PRLR: variants seen among roughly 807,000 people sequenced by gnomAD.
PRLR encodes hPRL receptor.
Under a neutral mutation model 40.2 loss-of-function variants are expected in PRLR, and 13 were observed. That is an observed-to-expected ratio of 0.32 (90% CI 0.21 to 0.51). The LOEUF (loss-of-function observed/expected upper bound fraction) is 0.51, where lower values mean the gene tolerates loss of function less well. Among genes scored for constraint, PRLR ranks in the 20% least tolerant of loss-of-function variants. The pLI is 0.97. For synonymous variants in PRLR, 269 were observed against 278.7 expected (o/e 0.97, Z 0.35); for missense variants, 656 against 747.3 (o/e 0.88, Z 1.42).
At chr5:35,147,035 G>A (rs1233056692) in intron 1 of PRLR, among the ~76,000 whole-genome samples, 2 of 152,108 alleles carry the variant, frequency 1.3e-5, no homozygotes, top group South Asian at 2.1e-4. Context: ...GAGGAGAGTA[G>A]GATGCTGAAC....
chr5:35,091,558 C>A (rs990024452), intron 2 of PRLR, among the ~76,000 whole-genome samples: 4 of 152,204 alleles, frequency 2.6e-5, no homozygotes, highest in African/African-American at 9.7e-5. Context: ...ACTGAGAGAT[C>A]ATCCTGACTT....
downstream of PRLR, among the ~76,000 whole-genome samples, chr5:35,053,408 T>A (rs139461725): frequency 0.031 from 4,661 of 152,262 alleles, 246 homozygotes; most frequent in African/African-American, 0.11. Context: ...ATCTCAGCAC[T>A]TTGGGAGGCC....
rs556109165 is a variant in PRLR, at chr5:35,208,770, TTAA to T, written c.-106+21495_-106+21497del. Among the ~76,000 whole-genome samples the T allele has an allele frequency of 4.0e-3, 604 of 152,134 alleles. 7 individuals carry two copies. Among genetic ancestry groups the T allele is most frequent in the African/African-American group, 0.014 (577 of 41,522 alleles). The stretch of plus-strand genomic sequence containing the variant: ...AAAATTAAGAATTTTTTTACATCTA[TTAA>T]TGATAAAAAAATTAAGAAAATGTTG... On this transcript the variant is annotated intron_variant, in intron 1 of 9. Transcript: ENST00000618457.
intron 1 of PRLR, among the ~76,000 whole-genome samples, chr5:35,183,276 A>G (rs945851545): frequency 3.3e-5 from 5 of 152,216 alleles, no homozygotes; most frequent in Non-Finnish European, 7.3e-5. Flanking sequence ...ATGACAGTCC[A>G]TTAAAGAACA....
At chr5:35,151,684 G>GGCCA (rs1774346205) in intron 1 of PRLR, among the ~76,000 whole-genome samples, 1 of 152,196 alleles carries the variant, frequency 6.6e-6, no homozygotes, top group Non-Finnish European at 1.5e-5. Context: ...AGGCTCCTGA[G>GGCCA]AGGGTTCATG....
At chr5:35,159,335 A>G (rs1774605277) in intron 1 of PRLR, among the ~76,000 whole-genome samples, 1 of 130,400 alleles carries the variant, frequency 7.7e-6, no homozygotes, top group Admixed American at 7.9e-5. Context: ...AAAAAAAAAA[A>G]AAGGAAATAA....
chr5:35,227,271 G>A (rs1262409488), intron 1 of PRLR, among the ~76,000 whole-genome samples: 1 of 152,180 alleles, frequency 6.6e-6, no homozygotes, highest in East Asian at 1.9e-4. Context: ...TAATCCGGTT[G>A]GCTGATGCAA....
exon 9 of PRLR, chr5:35,049,192 C>T (rs1768388717): frequency 1.4e-6 from 1 of 700,852 alleles, no homozygotes; most frequent in Non-Finnish European, 2.6e-6. Context: ...GGCCAGTGGA[C>T]ACACAGCATC....
At chr5:35,176,328 T>G (rs574469452) in intron 1 of PRLR, among the ~76,000 whole-genome samples, 1 of 152,232 alleles carries the variant, frequency 6.6e-6, no homozygotes. Context: ...CTTTTTTATT[T>G]TAAAAATTCA....
At chr5:35,096,777 C>A (rs569921787) in intron 2 of PRLR, among the ~76,000 whole-genome samples, 14 of 152,178 alleles carry the variant, frequency 9.2e-5, no homozygotes, top group African/African-American at 3.4e-4. Flanking sequence ...TGCACCATCA[C>A]GCCTGGCTAA....
chr5:35,173,088 C>T (rs988824489), intron 1 of PRLR, among the ~76,000 whole-genome samples: 8 of 152,126 alleles, frequency 5.3e-5, no homozygotes, highest in African/African-American at 1.9e-4. Flanking sequence ...TGGCAAAGCA[C>T]ATCTTGTTCC....
At chr5:35,214,980 C>G (rs929406881) in intron 1 of PRLR, among the ~76,000 whole-genome samples, 2 of 152,142 alleles carry the variant, frequency 1.3e-5, no homozygotes, top group Non-Finnish European at 2.9e-5. Context: ...TGCCCAGATG[C>G]CTGTGGTCAC....
Position 35,071,345 on chromosome 5 carries a change from C to T in PRLR, c.544-1080G>A, listed in dbSNP as rs908029373. On this transcript the variant is annotated intron_variant, in intron 6 of 9. Transcript: ENST00000618457. Reference sequence around the variant, plus strand: ...ACGACCAGTTACAATGTGTGGTCTACGAGCAGATTCTGGTTTGGACAAAGT... The same window carrying T: ...ACGACCAGTTACAATGTGTGGTCTATGAGCAGATTCTGGTTTGGACAAAGT... 1.2e-4 allele frequency among the ~76,000 whole-genome samples: 18 copies of T among 152,096 alleles called. 1 individual carries two copies. Among genetic ancestry groups the T allele is most frequent in the South Asian group, 2.1e-4 (1 of 4,824 alleles).
At chr5:35,164,929 G>A (rs1774777847) in intron 1 of PRLR, among the ~76,000 whole-genome samples, 1 of 152,190 alleles carries the variant, frequency 6.6e-6, no homozygotes, top group Non-Finnish European at 1.5e-5. Flanking sequence ...AATCAAAGAT[G>A]ATTCCTAAGT....
intron 2 of PRLR, among the ~76,000 whole-genome samples, chr5:35,104,246 A>G (rs1447024022): frequency 6.6e-6 from 1 of 152,146 alleles, no homozygotes; most frequent in Non-Finnish European, 1.5e-5. Context: ...TAATAAGAGC[A>G]AGGATAGGGG....
At chr5:35,134,520 C>A (rs146970743) in intron 1 of PRLR, among the ~76,000 whole-genome samples, 2 of 152,228 alleles carry the variant, frequency 1.3e-5, no homozygotes, top group Non-Finnish European at 2.9e-5. Context: ...AACAACCACT[C>A]ATCAGTGGAT....
At chr5:35,105,947 A>C (rs1203370474) in intron 2 of PRLR, among the ~76,000 whole-genome samples, 1 of 152,236 alleles carries the variant, frequency 6.6e-6, no homozygotes, top group African/African-American at 2.4e-5. Flanking sequence ...AGTTGAAATG[A>C]AGGAAAAAAT....
rs1273863720 is a variant in PRLR at position 35,087,800 on chromosome 5, G to T, written c.71-1460C>A. Among the ~76,000 whole-genome samples, 3 of 152,154 alleles carry T rather than the reference G, an allele frequency of 2.0e-5. No individual in the cohort carries two copies. The East Asian group carries it at 5.8e-4, about 29-fold the overall frequency. On this transcript the variant is annotated intron_variant, in intron 3 of 9. Coordinates refer to ENST00000618457, the MANE Select transcript of PRLR (RefSeq NM_000949.7). ...ATGTCAGGTTCAAAGAGGGACAGCA[G>T]AGCCCTGGGAATTTGCCCTGATACT...
At chr5:35,101,826 TTA>T (rs1239412508) in intron 2 of PRLR, among the ~76,000 whole-genome samples, 5 of 147,590 alleles carry the variant, frequency 3.4e-5, no homozygotes, top group Non-Finnish European at 7.5e-5. Flanking sequence ...GTTTTATATA[TTA>T]TATATATATA....
Sources: allele counts gnomAD v4.1 joint callset (sites outside exome capture counted in the v4.1 genomes callset), GRCh38; gene constraint gnomAD v4.1.1; transcripts MANE v1.5; gene names NCBI Gene and HGNC (gene_info 2026-07-23, HGNC 2026-07-21).